Variants in PTPRD observed in about 807,000 individuals in gnomAD.
The protein encoded by PTPRD is protein tyrosine phosphatase receptor type D.
PTPRD carries 34 observed loss-of-function variants against 214.5 expected under a neutral mutation model. The observed-to-expected ratio is 0.16, with a 90% CI of 0.12 to 0.21. The LOEUF (loss-of-function observed/expected upper bound fraction) is 0.21, where lower values mean the gene tolerates loss of function less well. PTPRD is among the 10% of genes least tolerant of loss of function. The probability of loss-of-function intolerance (pLI) is 1.00; values close to 1 mark genes in which losing one functional copy is unlikely to be tolerated. For synonymous variants in PTPRD, 1,128 were observed against 845.7 expected (o/e 1.33, Z -5.79); for missense variants, 2,545 against 2,398.7 (o/e 1.06, Z -1.27).
intron 4 of PTPRD, 99 bp from the exon 5 acceptor site, chr9:9,938,709 A>T (rs1338461583): frequency 6.6e-6 from 1 of 152,188 alleles, no homozygotes; most frequent in African/African-American, 2.4e-5. Flanking sequence ...ACACTCATTT[A>T]TCAGAATGCT....
At chr9:10,038,428 T>C (rs1240163683) in intron 3 of PTPRD, among the ~76,000 whole-genome samples, 1 of 152,160 alleles carries the variant, frequency 6.6e-6, no homozygotes, top group Non-Finnish European at 1.5e-5. Context: ...TTTATTCTAT[T>C]AATTTGATTT....
intron 9 of PTPRD, among the ~76,000 whole-genome samples, chr9:9,357,479 T>G: frequency 6.6e-6 from 1 of 151,180 alleles, no homozygotes. Context: ...GGTGAGAACT[T>G]TGAATGGCGT....
At chr9:8,733,258 T>C (rs2098679647) in intron 12 of PTPRD, among the ~76,000 whole-genome samples, 1 of 152,096 alleles carries the variant, frequency 6.6e-6, no homozygotes, top group South Asian at 2.1e-4. Context: ...AAGTTGTCAG[T>C]TCTGCTTGAT....
At chr9:8,941,986 A>G (rs1480771729) in intron 11 of PTPRD, among the ~76,000 whole-genome samples, 2 of 152,076 alleles carry the variant, frequency 1.3e-5, no homozygotes, top group Non-Finnish European at 2.9e-5. Flanking sequence ...TTGTATTTTT[A>G]CTAGAGATGG....
At chr9:8,419,745 G>C (rs1440809523) in intron 35 of PTPRD, among the ~76,000 whole-genome samples, 1 of 151,904 alleles carries the variant, frequency 6.6e-6, no homozygotes, top group Non-Finnish European at 1.5e-5. Context: ...CCACAGCTTA[G>C]AGAAACCCTA....
chr9:10,575,938 T>C (rs1048701127), intron 2 of PTPRD, among the ~76,000 whole-genome samples: 1 of 152,184 alleles, frequency 6.6e-6, no homozygotes, highest in East Asian at 1.9e-4. Context: ...AATTATTTTT[T>C]TTAAGAGTAG....
At chr9:10,142,581 T>C (rs2098993757) in intron 3 of PTPRD, among the ~76,000 whole-genome samples, 1 of 151,376 alleles carries the variant, frequency 6.6e-6, no homozygotes, top group African/African-American at 2.4e-5. Context: ...TGAGATACCA[T>C]TTCACACCAG....
At chr9:8,907,764 C>T (rs1431196166) in intron 11 of PTPRD, among the ~76,000 whole-genome samples, 1 of 151,502 alleles carries the variant, frequency 6.6e-6, no homozygotes, top group Admixed American at 6.6e-5. Context: ...ATCTTAAGAG[C>T]AGAGAATAAA....
intron 4 of PTPRD, among the ~76,000 whole-genome samples, chr9:9,949,763 T>C (rs1160594751): frequency 6.6e-6 from 1 of 152,150 alleles, no homozygotes; most frequent in Non-Finnish European, 1.5e-5. Context: ...TAGACTCAGG[T>C]CATGTGTTAT....
intron 3 of PTPRD, among the ~76,000 whole-genome samples, chr9:10,307,381 C>G (rs2154413677): frequency 6.6e-6 from 1 of 152,138 alleles, no homozygotes; most frequent in East Asian, 1.9e-4. Context: ...CATTTCCATC[C>G]ATGTTGCTAT....
intron 10 of PTPRD, among the ~76,000 whole-genome samples, chr9:9,098,024 T>G (rs2099786142): frequency 6.6e-6 from 1 of 151,906 alleles, no homozygotes; most frequent in African/African-American, 2.4e-5. Flanking sequence ...TTATTAGAAG[T>G]GTTTTAATTT....
chr9:8,814,047 G>T lies in PTPRD; in HGVS notation c.-103-80101C>A, dbSNP rs374645386. Among the ~76,000 whole-genome samples the T allele has an allele frequency of 3.3e-5, 5 of 152,320 alleles. No individual in the cohort carries two copies. The South Asian group carries it at 1.0e-3, about 32-fold the overall frequency. On this transcript the variant is annotated intron_variant, in intron 11 of 45. Transcript: ENST00000381196. ...TTGCCAGGCATGGGCCATGGATTCT[G>T]CACCTTGGTATCTCCCCAGAGCACA...
intron 29 of PTPRD, 75 bp downstream of exon 29, chr9:8,485,152 T>G (rs2096972312): frequency 7.9e-7 from 1 of 1,268,136 alleles, no homozygotes; most frequent in East Asian, 2.4e-5. Context: ...CTGCTTGCTG[T>G]GCAAATAACT....
chr9:10,338,995 C>T (rs1183081764), intron 3 of PTPRD, among the ~76,000 whole-genome samples: 2 of 151,328 alleles, frequency 1.3e-5, no homozygotes, highest in Non-Finnish European at 3.0e-5. Context: ...TTCAACTGAG[C>T]AAGAACAAAG....
chr9:10,442,387 G>A (rs925350669), intron 2 of PTPRD, among the ~76,000 whole-genome samples: 20 of 151,644 alleles, frequency 1.3e-4, no homozygotes, highest in Admixed American at 4.6e-4. Context: ...GCAGAATTAT[G>A]TAAGTCTGAA....
intron 11 of PTPRD, among the ~76,000 whole-genome samples, chr9:8,983,480 G>C (rs2154341852): frequency 1.3e-5 from 2 of 151,952 alleles, no homozygotes; most frequent in Non-Finnish European, 2.9e-5. Flanking sequence ...TTGTGTTTAG[G>C]AAATGTGTTA....
Position 8,636,994 on chromosome 9 carries a change from C to T in PTPRD, c.65-150G>A, listed in dbSNP as rs770746702. On this transcript the variant is annotated intron_variant, in intron 12 of 45. Coordinates refer to ENST00000381196, the MANE Select transcript of PTPRD (RefSeq NM_002839.4). ...CTATGGGATTACAAAATTAGAAAAG[C>T]ATCTTTTACTTTTGAGGGTAGTTTA... The T allele has an allele frequency of 1.0e-5, 8 of 771,810 alleles. No homozygotes were observed. The South Asian group carries it at 1.3e-4, about 12-fold the overall frequency. 47.8% of individuals were successfully genotyped at this position (771,810 alleles called of 1,614,324 possible).
At chr9:9,888,627 T>G (rs1478419488) in intron 5 of PTPRD, among the ~76,000 whole-genome samples, 1 of 152,126 alleles carries the variant, frequency 6.6e-6, no homozygotes, top group African/African-American at 2.4e-5. Flanking sequence ...TGTCACAATG[T>G]GATGCCTGCT....
At chr9:10,439,509 A>T (rs893253485) in intron 2 of PTPRD, among the ~76,000 whole-genome samples, 2 of 151,966 alleles carry the variant, frequency 1.3e-5, no homozygotes, top group African/African-American at 2.4e-5. Flanking sequence ...GTGGTCTTGG[A>T]CACATATTTA....
Sources: gnomAD v4.1 joint callset for allele counts (sites outside exome capture counted in the v4.1 genomes callset) on GRCh38, gnomAD v4.1.1 for gene constraint, MANE v1.5 for transcripts, NCBI Gene and HGNC (gene_info 2026-07-23, HGNC 2026-07-21) for gene names.